SGCG: variants seen among roughly 807,000 people sequenced by gnomAD.
SGCG encodes gamma-sarcoglycan.
Under a neutral mutation model 29.3 loss-of-function variants are expected in SGCG, and 26 were observed. That is an observed-to-expected ratio of 0.89 (90% CI 0.65 to 1.23). The LOEUF (loss-of-function observed/expected upper bound fraction) is 1.23, where lower values mean the gene tolerates loss of function less well. SGCG is among the 50% of genes most tolerant of loss of function. The probability of loss-of-function intolerance (pLI) is 0.00; values close to 1 mark genes in which losing one functional copy is unlikely to be tolerated. For missense variants in SGCG, 353 were observed against 356.0 expected (o/e 0.99, Z 0.07); for synonymous variants, 145 against 129.7 (o/e 1.12, Z -0.80).
the SGCG span, among the ~76,000 whole-genome samples, chr13:23,168,402 A>G: frequency 1.3e-5 from 2 of 152,210 alleles, no homozygotes; most frequent in African/African-American, 2.4e-5. Flanking sequence ...CTCTAGAACA[A>G]GAGACCTCTT....
chr13:23,180,357 A>G (rs966961772), upstream of SGCG, among the ~76,000 whole-genome samples: 2 of 152,224 alleles, frequency 1.3e-5, no homozygotes, highest in African/African-American at 4.8e-5. Flanking sequence ...TAGAAATGTT[A>G]GTTTACTAGA....
intron 6 of SGCG, among the ~76,000 whole-genome samples, chr13:23,314,392 ATATATATATATATATAATCT>A (rs1882723310): frequency 7.3e-6 from 1 of 136,910 alleles, no homozygotes; most frequent in African/African-American, 2.7e-5. Context: ...TTATATATAT[ATATATATATATATATAATCT>A]TATTCTGTCC....
At chr13:23,201,717 A>C (rs1877775805) in intron 1 of SGCG, among the ~76,000 whole-genome samples, 1 of 152,202 alleles carries the variant, frequency 6.6e-6, no homozygotes. Context: ...ATAGGAAACT[A>C]TATATATAGG....
intron 6 of SGCG, among the ~76,000 whole-genome samples, chr13:23,306,898 ATCT>A (rs1280628498): frequency 2.0e-5 from 3 of 152,240 alleles, no homozygotes; most frequent in Non-Finnish European, 4.4e-5. Context: ...CACTGATGAC[ATCT>A]TGGGCTCCTG....
chr13:23,165,199 T>G, the SGCG span, among the ~76,000 whole-genome samples: 1 of 152,236 alleles, frequency 6.6e-6, no homozygotes, highest in East Asian at 1.9e-4. Context: ...GGGCCTATTT[T>G]AATTTCATAT....
chr13:23,322,205 C>T (rs142443008), intron 7 of SGCG, among the ~76,000 whole-genome samples: 40 of 152,248 alleles, frequency 2.6e-4, no homozygotes, highest in African/African-American at 8.9e-4. Context: ...TCACTCATGC[C>T]ACCATTGCCT....
intron 2 of SGCG, among the ~76,000 whole-genome samples, chr13:23,218,912 A>T (rs2137524165): frequency 6.8e-6 from 1 of 148,052 alleles, no homozygotes; most frequent in Admixed American, 6.7e-5. Context: ...TAACAATATA[A>T]ATATATATAT....
chr13:23,269,837 TG>T (rs1436476367), intron 4 of SGCG, among the ~76,000 whole-genome samples: 17 of 143,964 alleles, frequency 1.2e-4, no homozygotes, highest in African/African-American at 3.7e-4. Flanking sequence ...ATATGTATTT[TG>T]TTTTTTTTTT....
intron 3 of SGCG, among the ~76,000 whole-genome samples, chr13:23,249,369 G>A (rs1162439316): frequency 6.6e-6 from 1 of 152,130 alleles, no homozygotes; most frequent in African/African-American, 2.4e-5. Flanking sequence ...TTCAGGGCAT[G>A]TCAACATTTC....
Position 23,203,730 on chromosome 13 carries a change from C to T in SGCG, c.36C>T (p.Gly12=). ...AGCAGTACACTACAGCCACAGAAGG[C>T]ATCTGCATAGAGAGGCCAGAGAATC... The part of the protein sequence containing the change: ...VREQYTTATE[G]ICIERPENQY... The change falls in exon 2 of 8, where the codon GGC becomes GGT. Residue 12 remains glycine, a synonymous_variant. Transcript: ENST00000218867. 6.2e-7 allele frequency: 1 copy of T among 1,613,886 alleles called. No homozygotes were observed. Among genetic ancestry groups the T allele is most frequent in the Non-Finnish European group, 8.5e-7 (1 of 1,179,836 alleles).
chr13:23,173,393 A>G, the SGCG span, among the ~76,000 whole-genome samples: 19,757 of 152,188 alleles, frequency 0.13, 1,403 homozygotes, highest in African/African-American at 0.17. Flanking sequence ...AATTGAAGAG[A>G]GTCCAGGAAT....
chr13:23,176,220 T>C (rs981405834), upstream of SGCG, among the ~76,000 whole-genome samples: 4 of 152,134 alleles, frequency 2.6e-5, no homozygotes, highest in Admixed American at 6.5e-5. Flanking sequence ...ATTAATATCA[T>C]TTTAAAAAAA....
At chr13:23,321,034 GAAA>G (rs946874207) in intron 7 of SGCG, among the ~76,000 whole-genome samples, 1 of 147,296 alleles carries the variant, frequency 6.8e-6, no homozygotes, top group Admixed American at 6.8e-5. Flanking sequence ...TTTCAAGTCG[GAAA>G]AAAAAAACAC....
intron 4 of SGCG, among the ~76,000 whole-genome samples, chr13:23,259,797 A>G (rs976237900): frequency 1.2e-4 from 18 of 152,214 alleles, no homozygotes; most frequent in African/African-American, 4.3e-4. Flanking sequence ...TCATTTCATT[A>G]TTTACCCAGT....
At chr13:23,232,161 TGGGAGGTAG>T (rs747500702) in intron 2 of SGCG, among the ~76,000 whole-genome samples, 4 of 151,290 alleles carry the variant, frequency 2.6e-5, no homozygotes, top group Non-Finnish European at 4.4e-5. Flanking sequence ...CTACCCAGTA[TGGGAGGTAG>T]CTGCACCTAG....
At chr13:23,250,267 G>A (rs1046799010) in intron 3 of SGCG, among the ~76,000 whole-genome samples, 3 of 152,122 alleles carry the variant, frequency 2.0e-5, no homozygotes, top group Non-Finnish European at 4.4e-5. Context: ...GCAGGAAAAA[G>A]TATATGGCAT....
At chr13:23,318,817 G>C (rs7993015) in intron 6 of SGCG, among the ~76,000 whole-genome samples, 4,638 of 152,258 alleles carry the variant, frequency 0.03, 209 homozygotes, top group African/African-American at 0.11. Flanking sequence ...TTAAAAACTA[G>C]TAAATGATCA....
At chr13:23,191,003 G>C (rs1877226107) in intron 1 of SGCG, among the ~76,000 whole-genome samples, 1 of 152,118 alleles carries the variant, frequency 6.6e-6, no homozygotes, top group Non-Finnish European at 1.5e-5. Context: ...GGTACTTTCT[G>C]AGTAATTTGC....
At chr13:23,312,780 G>T (rs572564695) in intron 6 of SGCG, among the ~76,000 whole-genome samples, 1 of 150,884 alleles carries the variant, frequency 6.6e-6, no homozygotes, top group African/African-American at 2.4e-5. Context: ...TAAATATGGA[G>T]ATTTTCTTTT....
Sources: gnomAD v4.1 joint callset for allele counts (sites outside exome capture counted in the v4.1 genomes callset) on GRCh38, gnomAD v4.1.1 for gene constraint, MANE v1.5 for transcripts, NCBI Gene and HGNC (gene_info 2026-07-23, HGNC 2026-07-21) for gene names.